The following INPP4B variants were observed in gnomAD, a reference collection of about 807,000 sequenced individuals.
The protein encoded by INPP4B is inositol polyphosphate-4-phosphatase type II B.
A neutral mutation model predicts 122.5 loss-of-function variants in INPP4B; 55 were observed. That is an observed-to-expected ratio of 0.45 (90% CI 0.36 to 0.56). INPP4B has a LOEUF of 0.56. INPP4B is among the 20% of genes least tolerant of loss of function. INPP4B has a pLI of 0.00. For synonymous variants in INPP4B, 403 were observed against 388.7 expected (o/e 1.04, Z -0.43); for missense variants, 1,000 against 1,097.7 (o/e 0.91, Z 1.26).
chr4:142,666,952 C>A (rs776353658), intron 2 of INPP4B, among the ~76,000 whole-genome samples: 14 of 152,134 alleles, frequency 9.2e-5, no homozygotes, highest in Non-Finnish European at 1.9e-4. Context: ...AAAGTACACC[C>A]ATATTTTAAA....
chr4:142,734,803 G>A (rs1296227182), intron 1 of INPP4B, among the ~76,000 whole-genome samples: 5 of 152,002 alleles, frequency 3.3e-5, no homozygotes, highest in Admixed American at 6.5e-5. Flanking sequence ...GCGCCAGCAC[G>A]CCCAGCTAAT....
At chr4:142,444,092 C>T (rs997346549) in intron 3 of INPP4B, among the ~76,000 whole-genome samples, 1 of 151,994 alleles carries the variant, frequency 6.6e-6, no homozygotes, top group Non-Finnish European at 1.5e-5. Context: ...AAGAATAAAA[C>T]CAAAATACTA....
intron 7 of INPP4B, among the ~76,000 whole-genome samples, chr4:142,355,810 G>T (rs781546688): frequency 6.6e-6 from 1 of 151,718 alleles, no homozygotes; most frequent in African/African-American, 2.4e-5. Context: ...TGAGATGAAC[G>T]AAGTCAAAGC....
intron 25 of INPP4B, among the ~76,000 whole-genome samples, chr4:142,075,656 T>C (rs1236399794): frequency 2.6e-5 from 4 of 151,914 alleles, no homozygotes; most frequent in African/African-American, 7.3e-5. Flanking sequence ...GCAGGGTAGA[T>C]AGAGATGGGG....
At chr4:142,707,530 C>A (rs1373799438) in intron 2 of INPP4B, among the ~76,000 whole-genome samples, 1 of 152,174 alleles carries the variant, frequency 6.6e-6, no homozygotes, top group Admixed American at 6.5e-5. Context: ...AGCGAGTTCT[C>A]ATGAGATCTG....
chr4:142,665,880 G>A (rs1034636031), intron 2 of INPP4B, among the ~76,000 whole-genome samples: 1 of 152,100 alleles, frequency 6.6e-6, no homozygotes, highest in African/African-American at 2.4e-5. Flanking sequence ...CTAAAACCAT[G>A]GATAGCACTG....
chr4:142,395,751 C>G (rs2149053179), intron 7 of INPP4B, among the ~76,000 whole-genome samples: 1 of 152,160 alleles, frequency 6.6e-6, no homozygotes, highest in South Asian at 2.1e-4. Context: ...ATAATATGTG[C>G]CTGGATGAAA....
At chr4:142,210,688 G>A (rs1844505607) in intron 12 of INPP4B, among the ~76,000 whole-genome samples, 1 of 152,170 alleles carries the variant, frequency 6.6e-6, no homozygotes, top group Admixed American at 6.5e-5. Context: ...CAAAGTTTCA[G>A]CTTTGCTTTC....
At chr4:142,601,294 T>C (rs1337911942) in intron 2 of INPP4B, among the ~76,000 whole-genome samples, 1 of 152,104 alleles carries the variant, frequency 6.6e-6, no homozygotes. Context: ...GGATAGACTA[T>C]ATGTTAGGCC....
intron 15 of INPP4B, among the ~76,000 whole-genome samples, chr4:142,178,124 A>C (rs1829166751): frequency 6.6e-6 from 1 of 152,108 alleles, no homozygotes; most frequent in Non-Finnish European, 1.5e-5. Context: ...TCTGCTCCCC[A>C]CTTTCAACAC....
intron 7 of INPP4B, among the ~76,000 whole-genome samples, chr4:142,345,572 C>A (rs1321476479): frequency 2.0e-5 from 3 of 151,946 alleles, no homozygotes; most frequent in Admixed American, 6.6e-5. Context: ...TGGACACAAG[C>A]ACATACTTGG....
chr4:142,631,544 C>T (rs1185716083), intron 2 of INPP4B, among the ~76,000 whole-genome samples: 1 of 151,906 alleles, frequency 6.6e-6, no homozygotes, highest in African/African-American at 2.4e-5. Context: ...GGACTAAAAA[C>T]GTTCCAAAAT....
At chr4:142,554,188 C>CAAAAAAAAA (rs758209943) in intron 2 of INPP4B, among the ~76,000 whole-genome samples, 11 of 97,184 alleles carry the variant, frequency 1.1e-4, no homozygotes, top group Non-Finnish European at 1.5e-4. Flanking sequence ...AACTCCATCT[C>CAAAAAAAAA]AAAAAAAAAA....
At chr4:142,154,662 T>A (rs1350483121) in intron 17 of INPP4B, among the ~76,000 whole-genome samples, 1 of 152,086 alleles carries the variant, frequency 6.6e-6, no homozygotes, top group Non-Finnish European at 1.5e-5. Flanking sequence ...AAAGGACTCA[T>A]GAATTATAGT....
rs1047680970 is a variant in INPP4B, at chr4:142,370,941, C to A, written c.372+31997G>T. Among the ~76,000 whole-genome samples, 35 of 151,916 alleles carry A rather than the reference C, an allele frequency of 2.3e-4. 1 individual carries two copies. Among genetic ancestry groups the A allele is most frequent in the African/African-American group, 8.2e-4 (34 of 41,398 alleles). Reference sequence around the variant, plus strand: ...AAGTAGAAAAAGATAAAACCTAAAACTCATATGAAACCACAAAAGACCCCA... The same window carrying A: ...AAGTAGAAAAAGATAAAACCTAAAAATCATATGAAACCACAAAAGACCCCA... On this transcript the variant is annotated intron_variant, in intron 7 of 25. Coordinates refer to ENST00000262992, the MANE Select transcript of INPP4B (RefSeq NM_001101669.3).
At chr4:142,292,665 C>T (rs1756930581) in intron 9 of INPP4B, among the ~76,000 whole-genome samples, 2 of 152,168 alleles carry the variant, frequency 1.3e-5, no homozygotes, top group South Asian at 4.1e-4. Context: ...CTCTGGTCAT[C>T]AATGGATAGA....
intron 2 of INPP4B, among the ~76,000 whole-genome samples, chr4:142,474,799 C>T (rs1041194215): frequency 1.3e-5 from 2 of 151,938 alleles, no homozygotes; most frequent in African/African-American, 2.4e-5. Context: ...CCACCTGCCC[C>T]TACCTCTCTT....
intron 1 of INPP4B, among the ~76,000 whole-genome samples, chr4:142,819,375 A>G (rs1441609061): frequency 2.0e-5 from 3 of 152,104 alleles, no homozygotes; most frequent in African/African-American, 7.2e-5. Context: ...CCCTACTGAG[A>G]GCAGAATATA....
chr4:142,635,253 G>A (rs1159853587), intron 2 of INPP4B, among the ~76,000 whole-genome samples: 2 of 152,152 alleles, frequency 1.3e-5, no homozygotes, highest in Admixed American at 6.5e-5. Context: ...CTTATACACT[G>A]TTAGTGTGAG....
Sources: gnomAD v4.1 joint callset for allele counts (sites outside exome capture counted in the v4.1 genomes callset) on GRCh38, gnomAD v4.1.1 for gene constraint, MANE v1.5 for transcripts, NCBI Gene and HGNC (gene_info 2026-07-23, HGNC 2026-07-21) for gene names.